ALMS1: variants seen among roughly 807,000 people sequenced by gnomAD.
ALMS1 encodes ALMS1 centrosome and basal body associated protein.
A neutral mutation model predicts 352.2 loss-of-function variants in ALMS1; 271 were observed. That is an observed-to-expected ratio of 0.77 (90% CI 0.70 to 0.85). The LOEUF is 0.85. Ranked by LOEUF, ALMS1 falls within the 40% of genes least tolerant of loss-of-function variation. The probability of loss-of-function intolerance (pLI) is 0.00; values close to 1 mark genes in which losing one functional copy is unlikely to be tolerated. For synonymous variants in ALMS1, 1,865 were observed against 1,761.2 expected (o/e 1.06, Z -1.48); for missense variants, 5,445 against 4,870.7 (o/e 1.12, Z -3.51).
intron 11 of ALMS1, among the ~76,000 whole-genome samples, chr2:73,527,783 T>C (rs1198903774): frequency 6.6e-6 from 1 of 152,112 alleles, no homozygotes; most frequent in Non-Finnish European, 1.5e-5. Flanking sequence ...TTTCTTTTTT[T>C]CTGCTAATTA....
chr2:73,570,300 A>G (rs902875365), intron 15 of ALMS1, among the ~76,000 whole-genome samples: 21 of 152,242 alleles, frequency 1.4e-4, no homozygotes, highest in African/African-American at 5.1e-4. Context: ...TTGAAATGCA[A>G]ATTTGAAAAT....
chr2:73,480,517 A>G (rs1672675783), intron 9 of ALMS1, among the ~76,000 whole-genome samples: 1 of 152,128 alleles, frequency 6.6e-6, no homozygotes, highest in Admixed American at 6.5e-5. Context: ...GCTATTGTGA[A>G]TAATGCCGCA....
chr2:73,579,808 C>G (rs545383358), intron 16 of ALMS1, among the ~76,000 whole-genome samples: 80 of 152,298 alleles, frequency 5.3e-4, no homozygotes, highest in African/African-American at 1.9e-3. Context: ...TCAAGATTCT[C>G]TGTCTTTGGC....
intron 6 of ALMS1, among the ~76,000 whole-genome samples, chr2:73,427,901 T>A (rs148601895): frequency 6.6e-6 from 1 of 152,224 alleles, no homozygotes; most frequent in Non-Finnish European, 1.5e-5. Flanking sequence ...TCTCTTTTCC[T>A]ATGTATAAGA....
intron 10 of ALMS1, among the ~76,000 whole-genome samples, chr2:73,496,306 C>T (rs554456388): frequency 6.6e-6 from 1 of 152,268 alleles, no homozygotes; most frequent in African/African-American, 2.4e-5. Context: ...AGAGTTTTGC[C>T]TTTCTAGAGT....
At chr2:73,563,710 G>A (rs1289076962) in intron 15 of ALMS1, among the ~76,000 whole-genome samples, 3 of 122,438 alleles carry the variant, frequency 2.5e-5, no homozygotes, top group South Asian at 2.5e-4. Flanking sequence ...GTGACAGAGC[G>A]AGACTCCATC....
intron 16 of ALMS1, among the ~76,000 whole-genome samples, chr2:73,573,839 A>G (rs1368608500): frequency 9.2e-6 from 1 of 109,012 alleles, no homozygotes; most frequent in Non-Finnish European, 2.0e-5. Flanking sequence ...ACAAACACAT[A>G]AATAATACAG....
chr2:73,557,460 G>C, intron 14 of ALMS1, 106 bp downstream of exon 14: 3 of 1,443,586 alleles, frequency 2.1e-6, no homozygotes, highest in Non-Finnish European at 2.9e-6. Context: ...TCTTCTTGCT[G>C]TCTTCAGCTC....
At chr2:73,421,034 C>G (rs1322139465) in intron 3 of ALMS1, among the ~76,000 whole-genome samples, 1 of 152,164 alleles carries the variant, frequency 6.6e-6, no homozygotes, top group Non-Finnish European at 1.5e-5. Flanking sequence ...ATCACACACA[C>G]ACAGATAATG....
At chr2:73,397,871 A>G (rs1043739602) in intron 1 of ALMS1, among the ~76,000 whole-genome samples, 1 of 152,208 alleles carries the variant, frequency 6.6e-6, no homozygotes, top group Non-Finnish European at 1.5e-5. Flanking sequence ...CCTCACTGTT[A>G]ACATCCTGAA....
At chr2:73,471,301 T>C (rs960545277) in intron 9 of ALMS1, among the ~76,000 whole-genome samples, 1 of 151,212 alleles carries the variant, frequency 6.6e-6, no homozygotes, top group Admixed American at 6.6e-5. Flanking sequence ...AAACAACTTA[T>C]AGCTACAGCG....
chr2:73,485,912 A>G (rs944206358), intron 9 of ALMS1, among the ~76,000 whole-genome samples: 9 of 152,066 alleles, frequency 5.9e-5, no homozygotes, highest in Non-Finnish European at 7.4e-5. Flanking sequence ...AAGTGAGGCA[A>G]TGCCTTGCCC....
At chr2:73,565,836 C>T (rs1053796076) in intron 15 of ALMS1, among the ~76,000 whole-genome samples, 14 of 152,142 alleles carry the variant, frequency 9.2e-5, no homozygotes, top group African/African-American at 3.1e-4. Flanking sequence ...ACCAGTACTT[C>T]TCAAAACTGT....
intron 12 of ALMS1, among the ~76,000 whole-genome samples, chr2:73,550,017 G>A (rs528948321): frequency 2.0e-4 from 31 of 152,114 alleles, no homozygotes; most frequent in African/African-American, 7.0e-4. Context: ...CTGCCACCAC[G>A]CCTGGCTAAT....
At chr2:73,505,547 G>A (rs764111465) in intron 10 of ALMS1, among the ~76,000 whole-genome samples, 16 of 151,984 alleles carry the variant, frequency 1.1e-4, no homozygotes, top group South Asian at 2.1e-4. Flanking sequence ...TATATCCTTC[G>A]CCCACTTTTT....
At chr2:73,418,139 T>C (rs1384417413) in intron 2 of ALMS1, among the ~76,000 whole-genome samples, 4 of 152,258 alleles carry the variant, frequency 2.6e-5, no homozygotes, top group African/African-American at 9.6e-5. Flanking sequence ...AAAATTAGCT[T>C]ATTTCTCATT....
At position 73,449,190 on chromosome 2, in the gene ALMS1, C is replaced by A. The variant is rs764559444; in HGVS notation, c.2663C>A (p.Ser888Ter). Reference protein sequence around the residue: ...SHLTEEALKVSIVPGPGDQKT... With the variant: ...SHLTEEALKV ...CTAACTGAAGAGGCTCTGAAAGTAT[C>A]AATTGTTCCTGGACCAGGTGATCAG... is the stretch of plus-strand genomic sequence containing the variant. The change falls in exon 8 of 23, where the codon TCA becomes TAA. Residue 888 changes from serine (S) to a stop codon, truncating the protein, a stop_gained. Transcript: ENST00000613296. LOFTEE classifies it high-confidence loss of function. 6.2e-7 allele frequency: 1 copy of A among 1,614,116 alleles called. No individual in the cohort carries two copies. The highest frequency in any genetic ancestry group is 2.2e-5 in the East Asian group (1 of 44,880).
chr2:73,582,082 A>G (rs1675195319), intron 16 of ALMS1, among the ~76,000 whole-genome samples: 1 of 152,048 alleles, frequency 6.6e-6, no homozygotes, highest in Non-Finnish European at 1.5e-5. Flanking sequence ...ATTTTACTTC[A>G]TCCAGTACAG....
chr2:73,595,386 G>T (rs1353449668), intron 16 of ALMS1, among the ~76,000 whole-genome samples: 1 of 152,182 alleles, frequency 6.6e-6, no homozygotes, highest in East Asian at 1.9e-4. Flanking sequence ...GAGATTTTAT[G>T]TATATAGCAT....
Sources: gnomAD v4.1 joint callset for allele counts (sites outside exome capture counted in the v4.1 genomes callset) on GRCh38, gnomAD v4.1.1 for gene constraint, MANE v1.5 for transcripts, NCBI Gene and HGNC (gene_info 2026-07-23, HGNC 2026-07-21) for gene names.